The following ZNG1F variants were observed in gnomAD, a reference collection of about 807,000 sequenced individuals.
The protein encoded by ZNG1F is Zn regulated GTPase metalloprotein activator 1F.
chr9:41,134,998 C>T, the ZNG1F span, among the ~76,000 whole-genome samples: 1 of 135,078 alleles, frequency 7.4e-6, no homozygotes, highest in Non-Finnish European at 1.6e-5. Flanking sequence ...CCCCTTCCCA[C>T]CCTTTCTCCC....
At chr9:41,140,826 AG>A in the ZNG1F span, among the ~76,000 whole-genome samples, 1 of 142,474 alleles carries the variant, frequency 7.0e-6, no homozygotes, top group Non-Finnish European at 1.5e-5. Flanking sequence ...CCCAAGCTAA[AG>A]CAATCCTCCC....
chr9:41,166,204 G>C, the ZNG1F span, among the ~76,000 whole-genome samples: 111,251 of 115,068 alleles, frequency 0.97, 54,213 homozygotes, highest in Middle Eastern at 1. Flanking sequence ...TCGAGACCAG[G>C]CTGGCCAACA....
At chr9:41,182,251 CA>C in the ZNG1F span, 4 of 84,104 alleles carry the variant, frequency 4.8e-5, no homozygotes, top group Non-Finnish European at 2.1e-5. Context: ...TCTTTTAAAC[CA>C]AAAAAAGTTT....
the ZNG1F span, among the ~76,000 whole-genome samples, chr9:41,144,011 A>T: frequency 0.011 from 388 of 33,958 alleles, 147 homozygotes; most frequent in African/African-American, 0.023. Context: ...ATTTTTTTTT[A>T]AAAAAGCTCC....
chr9:41,145,206 A>G, the ZNG1F span: 6,817 of 239,436 alleles, frequency 0.028, 190 homozygotes, highest in Non-Finnish European at 0.039. Flanking sequence ...ATAGTCCTAA[A>G]CATAGCCTAT....
the ZNG1F span, among the ~76,000 whole-genome samples, chr9:41,137,220 G>A: frequency 1.3e-5 from 2 of 150,148 alleles, 1 homozygote; most frequent in African/African-American, 4.9e-5. Context: ...TTTCCATCTT[G>A]ATTTCATCTT....
chr9:41,154,968 CA>C, the ZNG1F span, among the ~76,000 whole-genome samples: 1 of 150,504 alleles, frequency 6.6e-6, no homozygotes, highest in African/African-American at 2.4e-5. Context: ...TCTAAAACAC[CA>C]AAAGCAATGG....
At chr9:41,192,795 G>C in the ZNG1F span, among the ~76,000 whole-genome samples, 2 of 100,760 alleles carry the variant, frequency 2.0e-5, no homozygotes, top group African/African-American at 7.0e-5. Flanking sequence ...TAACTTATAA[G>C]AGGGTTAAAT....
the ZNG1F span, chr9:41,145,467 A>G: frequency 2.0e-6 from 1 of 490,944 alleles, no homozygotes; most frequent in Non-Finnish European, 3.6e-6. Flanking sequence ...CAATTTTACA[A>G]GTTGTTCGCA....
the ZNG1F span, among the ~76,000 whole-genome samples, chr9:41,200,681 C>A: frequency 2.6e-5 from 4 of 152,122 alleles, no homozygotes; most frequent in Non-Finnish European, 5.9e-5. Flanking sequence ...TGAGACTGGG[C>A]AATTTGCAAA....
chr9:41,198,175 G>T, the ZNG1F span, among the ~76,000 whole-genome samples: 207 of 145,054 alleles, frequency 1.4e-3, no homozygotes, highest in African/African-American at 5.4e-3. Flanking sequence ...ACCAAGACAG[G>T]TGGATCACCT....
the ZNG1F span, chr9:41,196,200 G>A: frequency 2.0e-5 from 1 of 50,662 alleles, no homozygotes; most frequent in African/African-American, 4.9e-5. Context: ...AAATCAAGGT[G>A]CCAGGAAGTT....
At chr9:41,131,891 C>T in the ZNG1F span, 1 of 339,130 alleles carries the variant, frequency 2.9e-6, no homozygotes, top group South Asian at 2.6e-5. Flanking sequence ...ATTAAAATGA[C>T]ACAGTTCACC....
At chr9:41,159,016 T>C in the ZNG1F span, 1 of 147,762 alleles carries the variant, frequency 6.8e-6, no homozygotes, top group African/African-American at 2.5e-5. Flanking sequence ...AAGTACCTAA[T>C]GTTTTTCTTA....
At chr9:41,139,760 AT>A in the ZNG1F span, among the ~76,000 whole-genome samples, 4 of 151,716 alleles carry the variant, frequency 2.6e-5, no homozygotes, top group Non-Finnish European at 5.9e-5. Flanking sequence ...ATGTGGTAAT[AT>A]ACATACAACC....
the ZNG1F span, chr9:41,183,539 T>C: frequency 1.9e-6 from 3 of 1,571,518 alleles, no homozygotes; most frequent in Non-Finnish European, 2.6e-6. Context: ...TAGTAAACCA[T>C]GTACACAGTA....
the ZNG1F span, among the ~76,000 whole-genome samples, chr9:41,179,043 C>G: frequency 2.4e-3 from 74 of 30,266 alleles, 2 homozygotes; most frequent in Non-Finnish European, 3.3e-3. Context: ...ATTTACCATC[C>G]TGAAAATTCT....
At chr9:41,184,161 A>G in the ZNG1F span, among the ~76,000 whole-genome samples, 1 of 151,182 alleles carries the variant, frequency 6.6e-6, no homozygotes, top group Non-Finnish European at 1.5e-5. Context: ...GTTTTTGGCC[A>G]GTGTACCATG....
chr9:41,138,788 T>G, the ZNG1F span, among the ~76,000 whole-genome samples: 1 of 103,242 alleles, frequency 9.7e-6, no homozygotes. Flanking sequence ...GAGCATTTTA[T>G]ATTTCTATAA....
Sources: gnomAD v4.1 joint callset for allele counts (sites outside exome capture counted in the v4.1 genomes callset) on GRCh38, gnomAD v4.1.1 for gene constraint, MANE v1.5 for transcripts, NCBI Gene and HGNC (gene_info 2026-07-23, HGNC 2026-07-21) for gene names.